The following IMPACT variants were observed in gnomAD, a reference collection of about 807,000 sequenced individuals.
IMPACT encodes the protein protein IMPACT.
In IMPACT, 35 loss-of-function variants were observed where a neutral mutation model predicts 47.5. The observed-to-expected ratio is 0.74, with a 90% confidence interval of 0.56 to 0.98. IMPACT has a LOEUF of 0.98. Among genes scored for constraint, IMPACT ranks in the 50% least tolerant of loss-of-function variants. The pLI is 0.00. For missense variants in IMPACT, 373 were observed against 394.8 expected (o/e 0.94, Z 0.47); for synonymous variants, 118 against 125.6 (o/e 0.94, Z 0.40).
At chr18:24,434,860 GTA>G (rs976355454) in intron 4 of IMPACT, among the ~76,000 whole-genome samples, 5 of 130,882 alleles carry the variant, frequency 3.8e-5, no homozygotes, top group African/African-American at 6.4e-5. Flanking sequence ...ATATATATGT[GTA>G]TATATATGTG....
chr18:24,426,745 TC>T lies in IMPACT; in HGVS notation c.-10del. 1 of 1,244,970 alleles carries T rather than the reference TC, an allele frequency of 8.0e-7. No homozygotes were observed. Among genetic ancestry groups the T allele is most frequent in the Non-Finnish European group, 1.0e-6 (1 of 993,266 alleles). 77.1% of individuals were successfully genotyped at this position (1,244,970 alleles called of 1,614,324 possible). A position where few individuals can be genotyped will look rare whatever the true frequency, so the allele number is the denominator to read the frequency against. The stretch of plus-strand genomic sequence containing the variant: ...TGGCAGGCGGCGGCTGCAGGGCAGG[TC>T]CAGGGGCCACATGGCTGAGGGGGAC... On this transcript the variant is annotated 5_prime_UTR_variant, in exon 1 of 11. Transcript: ENST00000284202.
In IMPACT at chr18:24,453,378, A is replaced by AT. The variant is rs953414313; in HGVS notation, c.*2538dup. The AT allele has an allele frequency of 3.3e-5, 5 of 151,932 alleles. No homozygotes were observed. Among genetic ancestry groups the AT allele is most frequent in the Non-Finnish European group, 7.4e-5 (5 of 67,962 alleles). The allele number at this position is 151,932 out of a possible 1,614,324, so 9.4% of individuals were successfully genotyped here. On this transcript the variant is annotated 3_prime_UTR_variant, in exon 11 of 11. Coordinates refer to ENST00000284202, the MANE Select transcript of IMPACT (RefSeq NM_018439.4). ...TATTTGGTATGTACATCCTTATATTATTTTTTTCTTATGCATGATTTTGTA... is the reference window on the plus strand; with the variant it reads ...TATTTGGTATGTACATCCTTATATTATTTTTTTTCTTATGCATGATTTTGTA...
intron 5 of IMPACT, among the ~76,000 whole-genome samples, 186 bp downstream of exon 5, chr18:24,438,226 T>C (rs529504529): frequency 6.6e-6 from 1 of 152,384 alleles, no homozygotes; most frequent in East Asian, 1.9e-4. Flanking sequence ...CTATAAGGTT[T>C]AGCCTCTTTG....
At chr18:24,449,188 C>G (rs1023385131) in intron 9 of IMPACT, among the ~76,000 whole-genome samples, 5 of 151,994 alleles carry the variant, frequency 3.3e-5, no homozygotes, top group Non-Finnish European at 7.4e-5. Flanking sequence ...TGGTGAAACC[C>G]TGTCTCTACT....
chr18:24,439,313 C>T (rs1192008367), intron 5 of IMPACT, among the ~76,000 whole-genome samples: 1 of 151,956 alleles, frequency 6.6e-6, no homozygotes, highest in Non-Finnish European at 1.5e-5. Context: ...GGTGGATCAC[C>T]TAAGGTCAGG....
intron 8 of IMPACT, among the ~76,000 whole-genome samples, chr18:24,447,085 A>G (rs910633542): frequency 2.0e-5 from 3 of 152,228 alleles, no homozygotes; most frequent in African/African-American, 4.8e-5. Context: ...AAAAAAAGAA[A>G]AAAGTACTCA....
rs912480510 is a variant in IMPACT, at chr18:24,445,324, ATTT to A, written c.595-66_595-64del. On this transcript the variant is annotated intron_variant, in intron 7 of 10. Transcript: ENST00000284202. Reference sequence around the variant, plus strand: ...ATTTTAATACAGCATGCTTCAAGGTATTTTTCTAGCATTTATTTACAGAGCAAA... The same window carrying A: ...ATTTTAATACAGCATGCTTCAAGGTATTCTAGCATTTATTTACAGAGCAAA... The A allele has an allele frequency of 7.4e-6, 7 of 948,238 alleles. No individual in the cohort carries two copies. In the Admixed American group the frequency reaches 1.5e-4, roughly 20 times the overall value. 58.7% of individuals were successfully genotyped at this position (948,238 alleles called of 1,614,324 possible). A position where few individuals can be genotyped will look rare whatever the true frequency, so the allele number is the denominator to read the frequency against.
At chr18:24,443,938 C>CTA (rs1489591298) in intron 7 of IMPACT, among the ~76,000 whole-genome samples, 1 of 152,182 alleles carries the variant, frequency 6.6e-6, no homozygotes, top group Non-Finnish European at 1.5e-5. Context: ...AAAAATGTCT[C>CTA]ATTTACTGCA....
intron 4 of IMPACT, chr18:24,435,259 T>C (rs1358713065): frequency 6.6e-6 from 1 of 152,214 alleles, no homozygotes; most frequent in Non-Finnish European, 1.5e-5. Context: ...CATATGCTAC[T>C]GTGCCCAGTC....
At chr18:24,448,670 G>A (rs1275934893) in intron 9 of IMPACT, among the ~76,000 whole-genome samples, 1 of 151,714 alleles carries the variant, frequency 6.6e-6, no homozygotes, top group African/African-American at 2.4e-5. Flanking sequence ...ATTTTTAAGA[G>A]TTCTTTCTTG....
intron 9 of IMPACT, among the ~76,000 whole-genome samples, chr18:24,449,296 G>A (rs1014289983): frequency 1.2e-4 from 19 of 152,158 alleles, no homozygotes; most frequent in African/African-American, 4.3e-4. Flanking sequence ...AGCCCAGGAG[G>A]CAGAGGTTGC....
intron 2 of IMPACT, 36 bp from the exon 3 acceptor site, chr18:24,428,833 G>T: frequency 6.5e-7 from 1 of 1,545,420 alleles, no homozygotes; most frequent in Non-Finnish European, 8.9e-7. Context: ...GAACCTTGAT[G>T]AAGTGTAAAC....
chr18:24,444,998 T>C (rs1909211729), intron 7 of IMPACT, among the ~76,000 whole-genome samples: 2 of 152,212 alleles, frequency 1.3e-5, no homozygotes, highest in South Asian at 4.1e-4. Flanking sequence ...GAGAAAGATG[T>C]GGTTTTATAA....
At chr18:24,435,161 G>T (rs964479601) in intron 4 of IMPACT, among the ~76,000 whole-genome samples, 18 of 151,596 alleles carry the variant, frequency 1.2e-4, no homozygotes, top group Admixed American at 2.0e-4. Context: ...GTAAAGAAGG[G>T]GTCTTGCTAC....
chr18:24,452,950 T>A lies in IMPACT; in HGVS notation c.*2103T>A, dbSNP rs1909423587. The A allele has an allele frequency of 6.6e-6, 1 of 151,946 alleles. No individual in the cohort carries two copies. The highest frequency in any genetic ancestry group is 2.1e-4 in the South Asian group (1 of 4,826). 9.4% of individuals were successfully genotyped at this position (151,946 alleles called of 1,614,324 possible). Reference sequence around the variant, plus strand: ...TATTACACCTGGCTAATTTTTAAAGTTTTTTTTGTAAAGATAGGGTCTTTC... The same window carrying A: ...TATTACACCTGGCTAATTTTTAAAGATTTTTTTGTAAAGATAGGGTCTTTC... On this transcript the variant is annotated 3_prime_UTR_variant, in exon 11 of 11. Coordinates refer to ENST00000284202, the MANE Select transcript of IMPACT (RefSeq NM_018439.4).
chr18:24,430,586 A>C (rs2144331312), intron 4 of IMPACT, among the ~76,000 whole-genome samples: 1 of 152,324 alleles, frequency 6.6e-6, no homozygotes, highest in Non-Finnish European at 1.5e-5. Flanking sequence ...CTTAGATACA[A>C]AAATACAGTA....
At chr18:24,450,037 T>C (rs1383744799) in intron 10 of IMPACT, 84 bp downstream of exon 10, 16 of 1,433,534 alleles carry the variant, frequency 1.1e-5, no homozygotes, top group Non-Finnish European at 1.5e-5. Flanking sequence ...TAAGAATGAA[T>C]CAGAATGTGA....
rs1909406999 is a variant in IMPACT at position 24,452,318 on chromosome 18, G to A, written c.*1471G>A. The A allele has an allele frequency of 6.6e-6, 1 of 152,094 alleles. No homozygotes were observed. Among genetic ancestry groups the A allele is most frequent in the Non-Finnish European group, 1.5e-5 (1 of 68,024 alleles). 9.4% of individuals were successfully genotyped at this position (152,094 alleles called of 1,614,324 possible). ...TATTTTATGTTGTATGTTATCAGGA[G>A]CCATCAGAGAATGACCTTTTTGTGT... On this transcript the variant is annotated 3_prime_UTR_variant, in exon 11 of 11. Transcript: ENST00000284202.
chr18:24,428,912 A>G lies in IMPACT; in HGVS notation c.209A>G (p.Tyr70Cys), dbSNP rs761669318. Residue 70 changes from tyrosine to cysteine, a missense_variant, in exon 3 of 11, where the codon TAC (tyrosine) becomes TGC (cysteine). By Grantham distance (194) the Tyr-to-Cys change is radical. Coordinates refer to ENST00000284202, the MANE Select transcript of IMPACT (RefSeq NM_018439.4). ...NEYPGTAPPI[Y>C]QLNAPWLKGQ... Reference sequence around the variant, plus strand: ...TACCCAGGTACAGCTCCACCTATCTACCAGTTGAAGTAAGCTGTATTTCTA... The same window carrying G: ...TACCCAGGTACAGCTCCACCTATCTGCCAGTTGAAGTAAGCTGTATTTCTA... 1 of 1,609,086 alleles carries G rather than the reference A, an allele frequency of 6.2e-7. No homozygotes were observed. The highest frequency in any genetic ancestry group is 8.5e-7 in the Non-Finnish European group (1 of 1,176,434).
Sources: gnomAD v4.1 joint callset for allele counts (sites outside exome capture counted in the v4.1 genomes callset) on GRCh38, gnomAD v4.1.1 for gene constraint, MANE v1.5 for transcripts, NCBI Gene and HGNC (gene_info 2026-07-23, HGNC 2026-07-21) for gene names.